PEPD: variants seen among roughly 807,000 people sequenced by gnomAD.
PEPD encodes xaa-Pro dipeptidase.
PEPD carries 53 observed loss-of-function variants against 60.7 expected under a neutral mutation model. That is an observed-to-expected ratio of 0.87 (90% CI 0.70 to 1.10). The LOEUF (loss-of-function observed/expected upper bound fraction) is 1.10. Among genes scored for constraint, PEPD ranks in the 50% least tolerant of loss-of-function variants. PEPD has a pLI of 0.00. For synonymous variants in PEPD, 267 were observed against 284.1 expected, an observed-to-expected ratio of 0.94 and a Z score of 0.60; for missense variants, 711 against 711.9, an observed-to-expected ratio of 1.00 and a Z score of 0.01.
At chr19:33,521,410 G>A (rs1971130301) in intron 1 of PEPD, among the ~76,000 whole-genome samples, 1 of 152,210 alleles carries the variant, frequency 6.6e-6, no homozygotes, top group South Asian at 2.1e-4. Flanking sequence ...GGTCCCTGGG[G>A]TCCTCGCAAC....
chr19:33,410,653 C>CA (rs149831333), intron 11 of PEPD, among the ~76,000 whole-genome samples: 3,591 of 152,246 alleles, frequency 0.024, 76 homozygotes, highest in African/African-American at 0.047. Flanking sequence ...ACGCAGGCCT[C>CA]AGAGGACATG....
Position 33,411,659 on chromosome 19 carries a change from T to G in PEPD, c.818+13A>C. 1 of 1,510,110 alleles carries G rather than the reference T, an allele frequency of 6.6e-7. No individual in the cohort carries two copies. The highest frequency in any genetic ancestry group is 1.1e-5 in the South Asian group (1 of 88,818). The allele number at this position is 1,510,110 out of a possible 1,614,324, so 93.5% of individuals were successfully genotyped here. A position where few individuals can be genotyped will look rare whatever the true frequency, so the allele number is the denominator to read the frequency against. On this transcript the variant is annotated intron_variant, in intron 11 of 14. Coordinates refer to ENST00000244137, the MANE Select transcript of PEPD (RefSeq NM_000285.4). ...TGTTCACACACAGAGCCAGGGCCGC[T>G]GGCCCTACTTACCACATATCCCCAT...
intron 7 of PEPD, among the ~76,000 whole-genome samples, chr19:33,470,164 GCCC>G (rs1336044605): frequency 6.6e-6 from 1 of 151,224 alleles, no homozygotes; most frequent in African/African-American, 2.4e-5. Flanking sequence ...CCTCCCTCAG[GCCC>G]CCCCATTTCT....
chr19:33,505,550 C>G (rs930737479), intron 3 of PEPD, among the ~76,000 whole-genome samples: 1 of 151,968 alleles, frequency 6.6e-6, no homozygotes, highest in Non-Finnish European at 1.5e-5. Flanking sequence ...AAGAGGGCCC[C>G]CGACACCCTG....
intron 9 of PEPD, among the ~76,000 whole-genome samples, chr19:33,449,785 C>T (rs1969662343): frequency 6.6e-6 from 1 of 152,160 alleles, no homozygotes; most frequent in Non-Finnish European, 1.5e-5. Context: ...GGCTCCGATC[C>T]CAGCGGGTGC....
At chr19:33,509,191 G>A (rs567220107) in intron 3 of PEPD, among the ~76,000 whole-genome samples, 1 of 152,382 alleles carries the variant, frequency 6.6e-6, no homozygotes, top group African/African-American at 2.4e-5. Flanking sequence ...GATCACGACA[G>A]GATGGGAAGG....
At chr19:33,507,376 G>C (rs1230892405) in intron 3 of PEPD, among the ~76,000 whole-genome samples, 1 of 152,156 alleles carries the variant, frequency 6.6e-6, no homozygotes, top group East Asian at 1.9e-4. Flanking sequence ...TGTTAGCAGA[G>C]ACTCTGAATA....
chr19:33,425,349 T>A (rs1969122193), intron 9 of PEPD, among the ~76,000 whole-genome samples: 1 of 151,280 alleles, frequency 6.6e-6, no homozygotes, highest in Non-Finnish European at 1.5e-5. Flanking sequence ...TGGCAGATGA[T>A]CCTAGTTCAA....
At chr19:33,434,294 A>G (rs781270831) in intron 9 of PEPD, among the ~76,000 whole-genome samples, 7 of 151,744 alleles carry the variant, frequency 4.6e-5, no homozygotes, top group Non-Finnish European at 8.8e-5. Context: ...CCCCCACCTC[A>G]TGTGTCTCCG....
intron 11 of PEPD, among the ~76,000 whole-genome samples, chr19:33,408,077 T>C (rs1428208173): frequency 6.6e-6 from 1 of 152,224 alleles, no homozygotes; most frequent in Admixed American, 6.5e-5. Context: ...GGACTCAGCC[T>C]AGCTCCAGGG....
intron 6 of PEPD, among the ~76,000 whole-genome samples, chr19:33,484,463 A>G (rs1020353307): frequency 1.3e-5 from 2 of 152,336 alleles, no homozygotes; most frequent in South Asian, 2.1e-4. Context: ...ACACAGAGAC[A>G]GGCATACGCT....
chr19:33,490,252 G>A (rs1224624382), intron 5 of PEPD, among the ~76,000 whole-genome samples, 195 bp from the exon 6 acceptor site: 4 of 152,218 alleles, frequency 2.6e-5, no homozygotes, highest in African/African-American at 9.6e-5. Context: ...GCTACCACTT[G>A]CCAAGTGGAG....
chr19:33,416,730 C>G (rs1243888516), intron 9 of PEPD, among the ~76,000 whole-genome samples: 1 of 152,256 alleles, frequency 6.6e-6, no homozygotes, highest in Non-Finnish European at 1.5e-5. Flanking sequence ...TCCTCTAACA[C>G]CCTCACCTAT....
intron 9 of PEPD, among the ~76,000 whole-genome samples, chr19:33,419,903 C>T (rs1968975918): frequency 1.3e-5 from 2 of 152,188 alleles, no homozygotes; most frequent in African/African-American, 2.4e-5. Context: ...AGGGGGGATC[C>T]GCCAATCACA....
chr19:33,462,142 G>C (rs769238915), intron 9 of PEPD, among the ~76,000 whole-genome samples: 3 of 152,188 alleles, frequency 2.0e-5, no homozygotes, highest in Non-Finnish European at 4.4e-5. Flanking sequence ...CCCCAGGGCC[G>C]GGGCTCTGAA....
At chr19:33,426,651 C>T (rs573642685) in intron 9 of PEPD, among the ~76,000 whole-genome samples, 8 of 152,348 alleles carry the variant, frequency 5.3e-5, no homozygotes, top group Admixed American at 6.5e-5. Flanking sequence ...CCTGGTCACC[C>T]GGGAGGCAGC....
chr19:33,484,160 C>T (rs1350487682), intron 6 of PEPD, among the ~76,000 whole-genome samples: 3 of 152,136 alleles, frequency 2.0e-5, no homozygotes, highest in Non-Finnish European at 2.9e-5. Flanking sequence ...GGAATCAAAG[C>T]CTTACTTATG....
chr19:33,408,827 G>A (rs1048893249), intron 11 of PEPD, among the ~76,000 whole-genome samples: 3 of 152,174 alleles, frequency 2.0e-5, no homozygotes, highest in Admixed American at 6.5e-5. Flanking sequence ...ATTATTTACC[G>A]AACGCAGTAG....
At chr19:33,431,247 CGAAG>C (rs879359956) in intron 9 of PEPD, among the ~76,000 whole-genome samples, 2 of 151,372 alleles carry the variant, frequency 1.3e-5, no homozygotes, top group East Asian at 2.0e-4. Flanking sequence ...AATTCCTTCC[CGAAG>C]GAAGGAAGAG....
Sources: gnomAD v4.1 joint callset for allele counts (sites outside exome capture counted in the v4.1 genomes callset) on GRCh38, gnomAD v4.1.1 for gene constraint, MANE v1.5 for transcripts, NCBI Gene and HGNC (gene_info 2026-07-23, HGNC 2026-07-21) for gene names.